PCDHA9: variants seen among roughly 807,000 people sequenced by gnomAD.
PCDHA9 encodes the protein protocadherin alpha-9.
In PCDHA9, 62 loss-of-function variants were observed where a neutral mutation model predicts 62.0. That is an observed-to-expected ratio of 1.00 (90% confidence interval 0.81 to 1.23). The LOEUF is 1.23. Among genes scored for constraint, PCDHA9 ranks in the 50% most tolerant of loss-of-function variants. The pLI is 0.00. For synonymous variants in PCDHA9, 557 were observed against 567.6 expected (o/e 0.98, Z 0.27); for missense variants, 1,205 against 1,249.8 (o/e 0.96, Z 0.54).
chr5:140,898,765 G>C (rs1336398509), intron 1 of PCDHA9, among the ~76,000 whole-genome samples: 1 of 151,640 alleles, frequency 6.6e-6, no homozygotes, highest in African/African-American at 2.4e-5. Context: ...CATTGAATCT[G>C]TAAATTACCT....
chr5:140,876,499 G>C, intron 1 of PCDHA9: 1 of 1,614,028 alleles, frequency 6.2e-7, no homozygotes, highest in South Asian at 1.1e-5. Flanking sequence ...AGTTCTGGAC[G>C]TGAATGACAA....
At chr5:140,913,348 C>A (rs1233529642) in intron 1 of PCDHA9, among the ~76,000 whole-genome samples, 1 of 152,080 alleles carries the variant, frequency 6.6e-6, no homozygotes, top group East Asian at 1.9e-4. Context: ...TCCATTTCCT[C>A]TAGATTTTTA....
intron 1 of PCDHA9, among the ~76,000 whole-genome samples, chr5:140,933,701 A>G (rs1204346571): frequency 6.6e-6 from 1 of 151,814 alleles, no homozygotes; most frequent in East Asian, 1.9e-4. Flanking sequence ...CCTCGGACAC[A>G]TTTACTGAGA....
chr5:140,995,949 G>T (rs781875497), intron 3 of PCDHA9, among the ~76,000 whole-genome samples: 1 of 152,160 alleles, frequency 6.6e-6, no homozygotes, highest in African/African-American at 2.4e-5. Context: ...CATAATGCAC[G>T]CAAAATGCTT....
At chr5:140,869,304 G>A (rs1554162871) in intron 1 of PCDHA9, 3 of 1,613,648 alleles carry the variant, frequency 1.9e-6, no homozygotes, top group South Asian at 1.1e-5. Context: ...TCCGGGTGGC[G>A]TCCAAAACAC....
At chr5:140,968,287 C>G (rs7712041) in intron 1 of PCDHA9, 1 of 1,613,902 alleles carries the variant, frequency 6.2e-7, no homozygotes, top group South Asian at 1.1e-5. Context: ...TGACCTACTC[C>G]CTTCTGGAGA....
At chr5:140,867,727 A>G (rs1554161460) in intron 1 of PCDHA9, 1 of 152,094 alleles carries the variant, frequency 6.6e-6, no homozygotes. Context: ...GAAAAGACAA[A>G]GAAAATTCAA....
chr5:141,007,256 G>A (rs1412168610), intron 3 of PCDHA9, among the ~76,000 whole-genome samples: 1 of 152,034 alleles, frequency 6.6e-6, no homozygotes, highest in Non-Finnish European at 1.5e-5. Flanking sequence ...CAAGTTAAAA[G>A]AAGCAGATAC....
rs1581464132 is a variant in PCDHA9, at chr5:140,857,670, T to A, written c.2394+6781T>A. 10 of 1,596,646 alleles carry A rather than the reference T, an allele frequency of 6.3e-6. No homozygotes were observed. In the East Asian group the frequency reaches 2.2e-4, roughly 36 times the overall value. ...CAGGTGAGCGCGCGCGATGGGGGCG[T>A]GCCGCCTCTGGGCAGCAACTTGACG... On this transcript the variant is annotated intron_variant, in intron 1 of 3. Transcript: ENST00000532602.
intron 1 of PCDHA9, among the ~76,000 whole-genome samples, chr5:140,902,930 A>G (rs1252677303): frequency 1.3e-5 from 2 of 152,190 alleles, no homozygotes; most frequent in Non-Finnish European, 2.9e-5. Context: ...CATGGTGTAT[A>G]TATACCACAT....
At position 140,857,030 on chromosome 5, in the gene PCDHA9, C is replaced by T. The variant is rs370499942; in HGVS notation, c.2394+6141C>T. The T allele has an allele frequency of 4.7e-5, 75 of 1,596,300 alleles. 6 individuals carry two copies. Among genetic ancestry groups the T allele is most frequent in the Non-Finnish European group, 6.0e-5 (70 of 1,166,132 alleles). ...AGATGTTACAGATAAGGGAAACCCA[C>T]CTATGGTTGGTCACTGCACGGTCCT... On this transcript the variant is annotated intron_variant, in intron 1 of 3. Transcript: ENST00000532602.
intron 1 of PCDHA9, chr5:140,863,161 C>T (rs1554157875): frequency 3.1e-6 from 2 of 650,330 alleles, no homozygotes; most frequent in East Asian, 4.4e-5. Flanking sequence ...CCACTGCGAG[C>T]TGGCGCTGAC....
intron 1 of PCDHA9, chr5:140,856,273 G>A (rs1554148468): frequency 6.3e-7 from 1 of 1,598,340 alleles, no homozygotes; most frequent in Admixed American, 1.7e-5. Context: ...ACCTTCTGGA[G>A]GTAAATCTGC....
rs982709387 is a variant in PCDHA9, at chr5:141,003,306, C to T, written c.2543-6321C>T. ...TGGATTATAGGATTACATGAAGTGG[C>T]CAGCTACTTCCAGAGGGCAGGGTTT... On this transcript the variant is annotated intron_variant, in intron 3 of 3. Coordinates refer to ENST00000532602, the MANE Select transcript of PCDHA9 (RefSeq NM_031857.2). 1.7e-4 allele frequency among the ~76,000 whole-genome samples: 26 copies of T among 152,276 alleles called. No homozygotes were observed. In the East Asian group the frequency reaches 4.1e-3, roughly 24 times the overall value.
At chr5:140,868,949 G>A (rs2050751465) in intron 1 of PCDHA9, 1 of 1,302,330 alleles carries the variant, frequency 7.7e-7, no homozygotes, top group Non-Finnish European at 1.0e-6. Context: ...GAACAGTGAG[G>A]CACTCCCATA....
chr5:140,876,206 C>T, intron 1 of PCDHA9: 1 of 1,613,864 alleles, frequency 6.2e-7, no homozygotes, highest in South Asian at 1.1e-5. Context: ...TTTGATAAGC[C>T]CAGCTATAAA....
At chr5:140,856,434 C>A in intron 1 of PCDHA9, 2 of 1,598,320 alleles carry the variant, frequency 1.3e-6, no homozygotes, top group Non-Finnish European at 1.7e-6. Flanking sequence ...AACGACAACC[C>A]GCCCAGGTTC....
chr5:140,884,634 G>T (rs1263952131), intron 1 of PCDHA9: 2 of 1,612,298 alleles, frequency 1.2e-6, no homozygotes, highest in Middle Eastern at 1.6e-4. Context: ...ACAGGCCAGA[G>T]GGAGGAGGAC....
At chr5:140,968,749 G>A in intron 1 of PCDHA9, 1 of 1,614,150 alleles carries the variant, frequency 6.2e-7, no homozygotes, top group Non-Finnish European at 8.5e-7. Context: ...TGACCGTGGT[G>A]GTCCGAGATA....
Sources: gnomAD v4.1 joint callset for allele counts (sites outside exome capture counted in the v4.1 genomes callset) on GRCh38, gnomAD v4.1.1 for gene constraint, MANE v1.5 for transcripts, NCBI Gene and HGNC (gene_info 2026-07-23, HGNC 2026-07-21) for gene names.